Variants in PPM1H observed in about 807,000 individuals in gnomAD.
PPM1H encodes the protein protein phosphatase, Mg2+/Mn2+ dependent 1H.
Under a neutral mutation model 54.9 loss-of-function variants are expected in PPM1H, and 27 were observed. The ratio of observed to expected loss-of-function variants is 0.49; its 90% CI spans 0.36 to 0.68. The LOEUF (loss-of-function observed/expected upper bound fraction) is 0.68, where lower values mean the gene tolerates loss of function less well. PPM1H is among the 30% of genes least tolerant of loss of function. The pLI is 0.00. For missense variants in PPM1H, 596 were observed against 667.8 expected (o/e 0.89, Z 1.19); for synonymous variants, 305 against 270.8 (o/e 1.13, Z -1.24).
At chr12:62,758,263 A>G (rs1406687547) in intron 4 of PPM1H, among the ~76,000 whole-genome samples, 3 of 152,178 alleles carry the variant, frequency 2.0e-5, no homozygotes, top group African/African-American at 7.2e-5. Flanking sequence ...GGAAGCTACA[A>G]AGTCTTTGAA....
chr12:62,745,504 T>C (rs560964121), intron 4 of PPM1H, among the ~76,000 whole-genome samples: 25 of 152,226 alleles, frequency 1.6e-4, no homozygotes, highest in Non-Finnish European at 3.1e-4. Context: ...CTGATTCATC[T>C]TTGTAATGTT....
At chr12:62,743,436 G>A (rs1435473356) in intron 4 of PPM1H, among the ~76,000 whole-genome samples, 1 of 152,078 alleles carries the variant, frequency 6.6e-6, no homozygotes, top group African/African-American at 2.4e-5. Context: ...CCTAACCAAT[G>A]AGAATTTTGA....
chr12:62,866,826 T>A (rs1869792078), intron 1 of PPM1H, among the ~76,000 whole-genome samples: 1 of 152,010 alleles, frequency 6.6e-6, no homozygotes, highest in South Asian at 2.1e-4. Flanking sequence ...AGTACAGCAC[T>A]GTTCCCCTTT....
At position 62,793,661 on chromosome 12, in the gene PPM1H, T is replaced by C. The variant is rs570567550; in HGVS notation, c.757-5323A>G. ...ATTGCTTGAACCCGGGAGGTGGAGG[T>C]TGCGGTGAGCCCAGATCGCGCCAAG... On this transcript the variant is annotated intron_variant, in intron 3 of 9. Coordinates refer to ENST00000228705, the MANE Select transcript of PPM1H (RefSeq NM_020700.2). 9.5e-5 allele frequency among the ~76,000 whole-genome samples: 14 copies of C among 146,960 alleles called. No homozygotes were observed. The South Asian group carries it at 2.6e-3, about 28-fold the overall frequency.
intron 3 of PPM1H, among the ~76,000 whole-genome samples, chr12:62,801,006 A>T (rs2076765099): frequency 1.3e-5 from 2 of 152,098 alleles, no homozygotes; most frequent in Admixed American, 1.3e-4. Context: ...TAAGACTAAG[A>T]CTTCTTGGAT....
At chr12:62,861,845 C>A (rs1161396325) in intron 1 of PPM1H, among the ~76,000 whole-genome samples, 5 of 152,158 alleles carry the variant, frequency 3.3e-5, no homozygotes, top group Non-Finnish European at 7.4e-5. Flanking sequence ...CTCCAGCTGC[C>A]TGGGAATATG....
chr12:62,755,567 G>A lies in PPM1H; in HGVS notation c.870-17981C>T, dbSNP rs181932058. 1.2e-3 allele frequency: 768 copies of A among 657,008 alleles called. 7 individuals carry two copies. The highest frequency in any genetic ancestry group is 1.2e-3 in the South Asian group (75 of 60,968). The allele number at this position is 657,008 out of a possible 1,614,324, so 40.7% of individuals were successfully genotyped here. On this transcript the variant is annotated intron_variant, in intron 4 of 9. Transcript: ENST00000228705. ...AAGGCTGGGACTCACTTGCAGCGGGGAGCCAAAAGGGTCATCATCTCTGCC... is the reference window on the plus strand; with the variant it reads ...AAGGCTGGGACTCACTTGCAGCGGGAAGCCAAAAGGGTCATCATCTCTGCC...
intron 1 of PPM1H, among the ~76,000 whole-genome samples, chr12:62,877,151 T>G (rs1870203120): frequency 6.6e-6 from 1 of 152,230 alleles, no homozygotes; most frequent in Non-Finnish European, 1.5e-5. Flanking sequence ...ATAGCCACTC[T>G]GGAGGCGTAT....
At chr12:62,697,227 A>G (rs1003075430) in intron 6 of PPM1H, among the ~76,000 whole-genome samples, 1 of 151,886 alleles carries the variant, frequency 6.6e-6, no homozygotes, top group African/African-American at 2.4e-5. Flanking sequence ...CCCAGGTCCA[A>G]GCGATTCTCC....
chr12:62,852,522 C>T (rs1018261694), intron 1 of PPM1H, among the ~76,000 whole-genome samples: 3 of 152,040 alleles, frequency 2.0e-5, no homozygotes, highest in Non-Finnish European at 2.9e-5. Context: ...TACAGCAGCC[C>T]AGACTAAGAA....
At chr12:62,832,349 T>TC in intron 1 of PPM1H, 70 bp from the exon 2 acceptor site, 1 of 1,461,828 alleles carries the variant, frequency 6.8e-7, no homozygotes, top group Non-Finnish European at 9.3e-7. Flanking sequence ...TTGTCAAGGG[T>TC]CAGCCAAGAC....
At chr12:62,870,946 C>G (rs774360896) in intron 1 of PPM1H, among the ~76,000 whole-genome samples, 4 of 152,124 alleles carry the variant, frequency 2.6e-5, no homozygotes, top group Non-Finnish European at 1.5e-5. Context: ...AAATTAGAAC[C>G]CTTATCACTG....
intron 4 of PPM1H, among the ~76,000 whole-genome samples, chr12:62,776,141 A>G (rs1468151922): frequency 6.6e-6 from 1 of 152,128 alleles, no homozygotes; most frequent in Non-Finnish European, 1.5e-5. Context: ...GTCCCCTCCC[A>G]TGATACGTGG....
chr12:62,921,712 T>C (rs976300412), intron 1 of PPM1H, among the ~76,000 whole-genome samples: 12 of 152,096 alleles, frequency 7.9e-5, no homozygotes, highest in African/African-American at 2.7e-4. Context: ...CTTGAGCCCA[T>C]AGGGTGATAT....
At chr12:62,687,656 A>G (rs921206847) in intron 8 of PPM1H, among the ~76,000 whole-genome samples, 2 of 151,862 alleles carry the variant, frequency 1.3e-5, no homozygotes, top group African/African-American at 2.4e-5. Flanking sequence ...TGGGAAGTAC[A>G]TGCAAATAGA....
chr12:62,871,007 T>C (rs2121002826), intron 1 of PPM1H, among the ~76,000 whole-genome samples: 1 of 152,260 alleles, frequency 6.6e-6, no homozygotes, highest in Non-Finnish European at 1.5e-5. Flanking sequence ...GTTTGGCAAT[T>C]CCTGAAAAAG....
chr12:62,662,824 T>G (rs1206460655), intron 9 of PPM1H, among the ~76,000 whole-genome samples: 5 of 152,204 alleles, frequency 3.3e-5, no homozygotes, highest in Non-Finnish European at 7.3e-5. Context: ...CCAACAGGCC[T>G]CAAGCATATA....
intron 5 of PPM1H, 117 bp from the exon 6 acceptor site, chr12:62,720,406 C>T (rs1232304533): frequency 1.4e-6 from 1 of 698,736 alleles, no homozygotes; most frequent in Admixed American, 2.8e-5. Context: ...AAGAAAATTG[C>T]CTCATATTTT....
intron 6 of PPM1H, among the ~76,000 whole-genome samples, chr12:62,716,705 T>A (rs992048493): frequency 6.6e-6 from 1 of 152,038 alleles, no homozygotes; most frequent in African/African-American, 2.4e-5. Flanking sequence ...TTAAAAAAAA[T>A]TTGTTATAGA....
Sources: gnomAD v4.1 joint callset for allele counts (sites outside exome capture counted in the v4.1 genomes callset) on GRCh38, gnomAD v4.1.1 for gene constraint, MANE v1.5 for transcripts, NCBI Gene and HGNC (gene_info 2026-07-23, HGNC 2026-07-21) for gene names.